The following RASGEF1C variants were observed in gnomAD, a reference collection of about 807,000 sequenced individuals.
RASGEF1C encodes the protein RasGEF domain family member 1C.
In RASGEF1C, 27 loss-of-function variants were observed where a neutral mutation model predicts 58.1. The observed-to-expected ratio is 0.46, with a 90% CI of 0.34 to 0.64. The LOEUF is 0.64. RASGEF1C is among the 30% of genes least tolerant of loss of function. The pLI is 0.01. For synonymous variants in RASGEF1C, 243 were observed against 246.3 expected (o/e 0.99, Z 0.13); for missense variants, 502 against 605.1 (o/e 0.83, Z 1.79).
chr5:180,150,809 A>G (rs1479050717), intron 1 of RASGEF1C, among the ~76,000 whole-genome samples: 1 of 152,186 alleles, frequency 6.6e-6, no homozygotes, highest in Non-Finnish European at 1.5e-5. Flanking sequence ...TTGTATATCT[A>G]GAAAACCCCA....
chr5:180,208,196 C>T (rs1756524384), intron 1 of RASGEF1C, among the ~76,000 whole-genome samples: 1 of 152,132 alleles, frequency 6.6e-6, no homozygotes, highest in South Asian at 2.1e-4. Context: ...CTCAGTTACT[C>T]CACCTGCCTG....
intron 12 of RASGEF1C, among the ~76,000 whole-genome samples, chr5:180,104,654 T>G (rs1765846488): frequency 6.6e-6 from 1 of 152,164 alleles, no homozygotes; most frequent in Non-Finnish European, 1.5e-5. Flanking sequence ...TGTGGAGAAT[T>G]GGTGTTAATT....
intron 7 of RASGEF1C, among the ~76,000 whole-genome samples, chr5:180,120,817 G>T (rs888440793): frequency 6.6e-6 from 1 of 152,194 alleles, no homozygotes; most frequent in East Asian, 1.9e-4. Context: ...CACTCCTTCA[G>T]CAAACCCTCT....
intron 6 of RASGEF1C, among the ~76,000 whole-genome samples, chr5:180,123,809 C>T (rs559560235): frequency 1.3e-3 from 196 of 151,888 alleles, no homozygotes; most frequent in African/African-American, 4.5e-3. Context: ...TGATGAACCT[C>T]GGATAAGATT....
intron 1 of RASGEF1C, among the ~76,000 whole-genome samples, chr5:180,147,639 A>G (rs1421084971): frequency 1.3e-5 from 2 of 152,088 alleles, no homozygotes; most frequent in Non-Finnish European, 2.9e-5. Context: ...TTCTAATTTC[A>G]TCCTGTCATA....
intron 4 of RASGEF1C, 135 bp from the exon 5 acceptor site, chr5:180,128,745 C>G: frequency 1.1e-6 from 1 of 893,286 alleles, no homozygotes; most frequent in Non-Finnish European, 1.7e-6. Flanking sequence ...CAGGTACCAG[C>G]GCAGGGGCCA....
intron 1 of RASGEF1C, among the ~76,000 whole-genome samples, chr5:180,153,212 C>T (rs1044316401): frequency 2.0e-5 from 3 of 152,188 alleles, no homozygotes; most frequent in African/African-American, 4.8e-5. Flanking sequence ...TGGGGGCCCA[C>T]CTCTGTGTCT....
chr5:180,165,781 GCT>G (rs1767012869), intron 1 of RASGEF1C, among the ~76,000 whole-genome samples: 1 of 111,362 alleles, frequency 9.0e-6, no homozygotes, highest in Non-Finnish European at 1.7e-5. Flanking sequence ...ATAGAGTCTC[GCT>G]CTGTCACCCA....
At chr5:180,150,256 G>T (rs1237561142) in intron 1 of RASGEF1C, among the ~76,000 whole-genome samples, 4 of 151,994 alleles carry the variant, frequency 2.6e-5, no homozygotes, top group Non-Finnish European at 5.9e-5. Context: ...TCTCTTTATT[G>T]ATAGTTCCAT....
intron 1 of RASGEF1C, among the ~76,000 whole-genome samples, chr5:180,208,125 C>G (rs1186707972): frequency 6.6e-6 from 1 of 152,108 alleles, no homozygotes; most frequent in Non-Finnish European, 1.5e-5. Context: ...GCTGTTGGAG[C>G]CAGTCTTACC....
intron 1 of RASGEF1C, among the ~76,000 whole-genome samples, chr5:180,207,673 C>G (rs1756513568): frequency 6.6e-6 from 1 of 151,676 alleles, no homozygotes; most frequent in African/African-American, 2.4e-5. Flanking sequence ...CCACCCGCCG[C>G]CACGGGCAGC....
intron 1 of RASGEF1C, among the ~76,000 whole-genome samples, chr5:180,182,655 T>G (rs1767366590): frequency 6.6e-6 from 1 of 152,216 alleles, no homozygotes; most frequent in Non-Finnish European, 1.5e-5. Context: ...GATTGGTGCA[T>G]TTTTACAGAG....
chr5:180,128,330 T>C, intron 5 of RASGEF1C, 80 bp downstream of exon 5: 1 of 1,325,056 alleles, frequency 7.5e-7, no homozygotes, highest in Non-Finnish European at 1.1e-6. Context: ...GGGGCTGCTC[T>C]GGGAAGCCAG....
At chr5:180,169,902 C>T (rs1030796975) in intron 1 of RASGEF1C, among the ~76,000 whole-genome samples, 1 of 151,856 alleles carries the variant, frequency 6.6e-6, no homozygotes, top group African/African-American at 2.4e-5. Flanking sequence ...GCTGTCCTCC[C>T]CCTGGGCTCC....
At chr5:180,173,294 C>T (rs939984798) in intron 1 of RASGEF1C, among the ~76,000 whole-genome samples, 2 of 152,218 alleles carry the variant, frequency 1.3e-5, no homozygotes, top group Admixed American at 1.3e-4. Context: ...GCCCCTCGAC[C>T]TGGGGATGCC....
chr5:180,115,288 T>A, intron 10 of RASGEF1C: 1 of 432,466 alleles, frequency 2.3e-6, no homozygotes, highest in Admixed American at 2.7e-5. Context: ...TGGCCTCCTT[T>A]TTAAAAAAAA....
intron 4 of RASGEF1C, among the ~76,000 whole-genome samples, chr5:180,129,109 A>C (rs958464851): frequency 6.6e-6 from 1 of 152,186 alleles, no homozygotes; most frequent in Admixed American, 6.5e-5. Context: ...ACAGGAGGTC[A>C]GTGGAAGGGC....
rs573931591 is a variant in RASGEF1C at position 180,114,220 on chromosome 5, C to G, written c.1179+226G>C. On this transcript the variant is annotated intron_variant, in intron 11 of 13. Coordinates refer to ENST00000361132, the MANE Select transcript of RASGEF1C (RefSeq NM_175062.4). Reference sequence around the variant, plus strand: ...TCAGATGGACCCTGCTTCACCTGTGCTGGCCGTGCGGCGCAGCCTGGATGG... The same window carrying G: ...TCAGATGGACCCTGCTTCACCTGTGGTGGCCGTGCGGCGCAGCCTGGATGG... Among the ~76,000 whole-genome samples, 3 of 152,332 alleles carry G rather than the reference C, an allele frequency of 2.0e-5. No homozygotes were observed. The East Asian group carries it at 5.8e-4, about 29-fold the overall frequency.
chr5:180,208,722 C>G (rs997953960), intron 1 of RASGEF1C, among the ~76,000 whole-genome samples: 1 of 152,142 alleles, frequency 6.6e-6, no homozygotes, highest in African/African-American at 2.4e-5. Flanking sequence ...GCTCTTCCTG[C>G]CACTCTAGCG....
Sources: allele counts gnomAD v4.1 joint callset (sites outside exome capture counted in the v4.1 genomes callset), GRCh38; gene constraint gnomAD v4.1.1; transcripts MANE v1.5; gene names NCBI Gene and HGNC (gene_info 2026-07-23, HGNC 2026-07-21).